The following CLGN variants were observed in gnomAD, a reference collection of about 807,000 sequenced individuals.
CLGN encodes the protein testis tissue sperm-binding protein Li 79P.
In CLGN, 62 loss-of-function variants were observed where a neutral mutation model predicts 79.1. The ratio of observed to expected loss-of-function variants is 0.78; its 90% CI spans 0.64 to 0.97. CLGN has a LOEUF of 0.97. Ranked by LOEUF, CLGN falls within the 50% of genes least tolerant of loss-of-function variation. The pLI is 0.00. For missense variants in CLGN, 647 were observed against 715.5 expected (o/e 0.90, Z 1.09); for synonymous variants, 225 against 224.7 (o/e 1.00, Z -0.01).
chr4:140,407,789 T>C (rs570332745), intron 4 of CLGN, among the ~76,000 whole-genome samples: 3 of 152,066 alleles, frequency 2.0e-5, no homozygotes, highest in African/African-American at 7.2e-5. Flanking sequence ...AGTGTGATTA[T>C]TGTGAAAATA....
intron 4 of CLGN, among the ~76,000 whole-genome samples, chr4:140,408,713 T>C (rs191679512): frequency 4.0e-4 from 61 of 152,090 alleles, no homozygotes; most frequent in African/African-American, 1.4e-3. Context: ...ATTTATACAC[T>C]GCTGGTGCAA....
chr4:140,403,535 G>A (rs768464751), intron 5 of CLGN, among the ~76,000 whole-genome samples: 35 of 152,104 alleles, frequency 2.3e-4, no homozygotes, highest in East Asian at 5.8e-4. Flanking sequence ...AGTAGAACAC[G>A]TGGTGCATGA....
At chr4:140,390,563 G>A in intron 14 of CLGN, 65 bp downstream of exon 14, 1 of 1,028,122 alleles carries the variant, frequency 9.7e-7, no homozygotes, top group Non-Finnish European at 1.4e-6. Context: ...TCATATTGGT[G>A]CTTTTATTGA....
At chr4:140,411,002 T>G (rs1362329031) in intron 2 of CLGN, among the ~76,000 whole-genome samples, 5 of 152,042 alleles carry the variant, frequency 3.3e-5, no homozygotes, top group African/African-American at 1.2e-4. Flanking sequence ...AAATTAACTC[T>G]TAAGTTTTAC....
intron 5 of CLGN, among the ~76,000 whole-genome samples, chr4:140,405,191 A>AT (rs35471612): frequency 0.58 from 74,365 of 128,422 alleles, 21,823 homozygotes; most frequent in Non-Finnish European, 0.68. Flanking sequence ...TTTTTTTTTT[A>AT]TTTTTTTTTT....
chr4:140,421,583 G>C (rs372982387), intron 1 of CLGN, among the ~76,000 whole-genome samples: 19 of 150,792 alleles, frequency 1.3e-4, no homozygotes, highest in African/African-American at 4.7e-4. Flanking sequence ...TCATGTGCTT[G>C]TTGGCTATTT....
At chr4:140,420,357 GT>G (rs1294736575) in intron 1 of CLGN, among the ~76,000 whole-genome samples, 1 of 152,042 alleles carries the variant, frequency 6.6e-6, no homozygotes, top group Non-Finnish European at 1.5e-5. Context: ...TTGAAAGTTT[GT>G]TTCTTCTTTA....
chr4:140,416,305 A>G (rs1219665948), intron 1 of CLGN, among the ~76,000 whole-genome samples: 1 of 87,124 alleles, frequency 1.1e-5, no homozygotes, highest in African/African-American at 4.8e-5. Flanking sequence ...GAAAAGCAAG[A>G]GCAAACACAT....
intron 13 of CLGN, 121 bp from the exon 14 acceptor site, chr4:140,390,849 C>A: frequency 2.1e-6 from 1 of 476,912 alleles, no homozygotes; most frequent in South Asian, 5.4e-5. Flanking sequence ...GATTTAGAAG[C>A]AACTTCTTCC....
intron 7 of CLGN, 34 bp downstream of exon 7, chr4:140,400,323 T>C: frequency 6.8e-7 from 1 of 1,469,650 alleles, no homozygotes; most frequent in Non-Finnish European, 9.4e-7. Context: ...TCAGCAAATA[T>C]TTTTGAATAC....
At chr4:140,391,352 T>C (rs1459340121) in intron 13 of CLGN, among the ~76,000 whole-genome samples, 1 of 151,802 alleles carries the variant, frequency 6.6e-6, no homozygotes, top group Non-Finnish European at 1.5e-5. Context: ...GCCCCTCCGA[T>C]ACTTAAATTC....
At chr4:140,400,225 T>C (rs1578596596) in intron 7 of CLGN, 132 bp downstream of exon 7, 1 of 613,334 alleles carries the variant, frequency 1.6e-6, no homozygotes, top group Non-Finnish European at 2.8e-6. Flanking sequence ...TCATTATACA[T>C]GTCCTATTTT....
intron 1 of CLGN, among the ~76,000 whole-genome samples, chr4:140,415,411 G>A (rs890454136): frequency 3.3e-5 from 5 of 151,252 alleles, no homozygotes; most frequent in African/African-American, 9.7e-5. Flanking sequence ...CTGGCAAATT[G>A]GATAAAGAGT....
At chr4:140,414,240 A>C (rs1729276268) in intron 1 of CLGN, among the ~76,000 whole-genome samples, 1 of 152,200 alleles carries the variant, frequency 6.6e-6, no homozygotes, top group Non-Finnish European at 1.5e-5. Context: ...TAAAACCACA[A>C]AGATGGGGGG....
intron 1 of CLGN, among the ~76,000 whole-genome samples, chr4:140,426,188 A>T (rs1578612482): frequency 6.6e-6 from 1 of 152,206 alleles, no homozygotes; most frequent in East Asian, 1.9e-4. Context: ...TAGTTTTATT[A>T]TTAAAAAGAC....
intron 2 of CLGN, 115 bp from the exon 3 acceptor site, chr4:140,410,741 AG>A (rs1464787622): frequency 3.1e-6 from 2 of 646,900 alleles, no homozygotes; most frequent in South Asian, 4.0e-5. Context: ...TACAGATATG[AG>A]GTGACAAACT....
chr4:140,400,259 G>A, intron 7 of CLGN, 98 bp downstream of exon 7: 3 of 798,170 alleles, frequency 3.8e-6, no homozygotes, highest in Non-Finnish European at 6.1e-6. Context: ...GCTCCTTCAG[G>A]ATGGGGTACA....
chr4:140,410,501 C>T (rs1487439947), intron 3 of CLGN, 52 bp downstream of exon 3: 1 of 1,329,740 alleles, frequency 7.5e-7, no homozygotes. Context: ...AACCTAATAA[C>T]TTCAAAAAAG....
chr4:140,419,542 C>T (rs373742411), intron 1 of CLGN, among the ~76,000 whole-genome samples: 2 of 151,752 alleles, frequency 1.3e-5, no homozygotes, highest in South Asian at 4.2e-4. Context: ...TATATAAATG[C>T]TGAGAAAAGA....
Sources: gnomAD v4.1 joint callset for allele counts (sites outside exome capture counted in the v4.1 genomes callset) on GRCh38, gnomAD v4.1.1 for gene constraint, MANE v1.5 for transcripts, NCBI Gene and HGNC (gene_info 2026-07-23, HGNC 2026-07-21) for gene names.